The following CCDC74B variants were observed in gnomAD, a reference collection of about 807,000 sequenced individuals.
CCDC74B encodes the protein coiled-coil domain containing 74B, also known as coiled-coil domain-containing protein 74B.
In CCDC74B, 34 loss-of-function variants were observed where a neutral mutation model predicts 38.0. That is an observed-to-expected ratio of 0.89 (90% confidence interval 0.68 to 1.19). The LOEUF (loss-of-function observed/expected upper bound fraction) is 1.19. CCDC74B is among the 50% of genes most tolerant of loss of function. The pLI is 0.00. For synonymous variants in CCDC74B, 132 were observed against 170.4 expected (o/e 0.77, Z 1.76); for missense variants, 358 against 406.0 (o/e 0.88, Z 1.02).
At chr2:130,142,351 G>C (rs1227329369) in intron 2 of CCDC74B, 168 bp from the exon 3 acceptor site, 1 of 1,613,024 alleles carries the variant, frequency 6.2e-7, no homozygotes, top group Non-Finnish European at 8.5e-7. Flanking sequence ...GGGAGCAGAG[G>C]CCCTGGAAAG....
intron 2 of CCDC74B, chr2:130,142,659 T>C (rs1685734883): frequency 6.5e-7 from 1 of 1,542,852 alleles, no homozygotes; most frequent in Admixed American, 2.0e-5. Context: ...GATGTCCTCC[T>C]GATGTCAGCC....
At position 130,139,681 on chromosome 2, in the gene CCDC74B, C is replaced by G; in HGVS notation, c.819G>C (p.Leu273=). The G allele has an allele frequency of 6.2e-7, 1 of 1,612,986 alleles. No individual in the cohort carries two copies. The highest frequency in any genetic ancestry group is 8.5e-7 in the Non-Finnish European group (1 of 1,179,928). Residue 273 remains leucine (L), a synonymous_variant, in exon 8 of 8, where the codon CTG becomes CTC. Coordinates refer to ENST00000409943, the MANE Select transcript of CCDC74B (RefSeq NM_001258307.2). The part of the protein sequence containing the change: ...TKSLSKKCLL[L]SPPVAERAIL... ...TGGCACGCTCCGCCACAGGTGGGCT[C>G]AGAAGCAGGCTGGGGGCGGGTAGAG...
chr2:130,140,030 A>G lies in CCDC74B; in HGVS notation c.745T>C (p.Phe249Leu), dbSNP rs781398863. ...RPQAVPEEAS[F>L]PRDQEATHFP... ...GGTGCACCAGGCACTCACCTGGGAA[A>G]GCTAGCTTCCTCCGGGACTGCCTGG... The change falls in exon 6 of 8, where the codon TTT (phenylalanine) becomes CTT (leucine). Residue 249 changes from phenylalanine to leucine, a missense_variant. Physicochemically the swap from Phe to Leu is conservative, Grantham distance 22 (BLOSUM62 0). Transcript: ENST00000409943. 6.8e-6 allele frequency: 11 copies of G among 1,606,460 alleles called. No homozygotes were observed. Among genetic ancestry groups the G allele is most frequent in the Non-Finnish European group, 8.5e-6 (10 of 1,176,870 alleles).
chr2:130,144,703 T>C lies in CCDC74B; in HGVS notation c.250+44A>G, dbSNP rs777838724. 4 of 1,604,028 alleles carry C rather than the reference T, an allele frequency of 2.5e-6. No individual in the cohort carries two copies. In the Admixed American group the frequency reaches 6.8e-5, roughly 27 times the overall value. On this transcript the variant is annotated intron_variant, in intron 1 of 7. Transcript: ENST00000409943. ...GCTGCGGGAGCGGCAGTGTTGAGTG[T>C]GCCTGGGGAGGCAGGGCCGGCCTAG... is the stretch of plus-strand genomic sequence containing the variant.
chr2:130,142,637 A>G (rs1368046402), intron 2 of CCDC74B: 2 of 1,543,264 alleles, frequency 1.3e-6, no homozygotes, highest in East Asian at 2.4e-5. Flanking sequence ...GGCTGGCTCC[A>G]TCCACCAGTC....
chr2:130,145,080 G>C lies in CCDC74B; in HGVS notation c.-84C>G. On this transcript the variant is annotated 5_prime_UTR_variant, in exon 1 of 8. Transcript: ENST00000409943. ...CCCTAGCCTGGCGCCCCGTCACCAT[G>C]GAAACCGGGCGACGGAGGGCGCCAG... 1 of 1,399,750 alleles carries C rather than the reference G, an allele frequency of 7.1e-7. No homozygotes were observed. The highest frequency in any genetic ancestry group is 9.3e-7 in the Non-Finnish European group (1 of 1,077,522). The allele number at this position is 1,399,750 out of a possible 1,614,324, so 86.7% of individuals were successfully genotyped here. A position where few individuals can be genotyped will look rare whatever the true frequency, so the allele number is the denominator to read the frequency against.
In CCDC74B at chr2:130,139,336, T is replaced by C; in HGVS notation, c.*219A>G. The C allele has an allele frequency of 1.7e-6, 1 of 603,348 alleles. No individual in the cohort carries two copies. Among genetic ancestry groups the C allele is most frequent in the Non-Finnish European group, 2.9e-6 (1 of 345,882 alleles). The allele number at this position is 603,348 out of a possible 1,614,324, so 37.4% of individuals were successfully genotyped here. Reference sequence around the variant, plus strand: ...CAGTTTCAACAGGTAAGGCGATACCTGCTTCATCGTGTGCTTTTATGTAAA... The same window carrying C: ...CAGTTTCAACAGGTAAGGCGATACCCGCTTCATCGTGTGCTTTTATGTAAA... On this transcript the variant is annotated 3_prime_UTR_variant, in exon 8 of 8. Transcript: ENST00000409943.
Position 130,144,758 on chromosome 2 carries a change from C to G in CCDC74B, c.239G>C (p.Arg80Pro). Residue 80 changes from arginine (R) to proline (P), a missense_variant, in exon 1 of 8, where the codon CGG becomes CCG. Arg to Pro is a moderately radical substitution (Grantham distance 103). This residue lies in a region of CCDC74B where 128 missense variants were observed against 146.7 expected (regional missense o/e 0.87). Coordinates refer to ENST00000409943, the MANE Select transcript of CCDC74B (RefSeq NM_001258307.2). ...CCGCGCCGGCTCACCCTTGTTTTCC[C>G]GCTTCAGATGCTCGATCTCCTCATG... ...KLHEEIEHLK[R>P]ENKDLRYKLI... 1.6e-5 allele frequency: 26 copies of G among 1,612,638 alleles called. No homozygotes were observed. Among genetic ancestry groups the G allele is most frequent in the Non-Finnish European group, 2.2e-5 (26 of 1,179,588 alleles).
At chr2:130,141,955 C>G (rs1685658632) in intron 3 of CCDC74B, 178 bp downstream of exon 3, 2 of 711,454 alleles carry the variant, frequency 2.8e-6, no homozygotes, top group Admixed American at 3.3e-5. Context: ...TGCCCACCCC[C>G]CCTTAATCCC....
chr2:130,144,603 G>A, intron 1 of CCDC74B, 144 bp downstream of exon 1: 5 of 1,544,978 alleles, frequency 3.2e-6, no homozygotes, highest in Admixed American at 2.0e-5. Context: ...ACAGCTCAGC[G>A]TGGCAGGGCG....
At chr2:130,140,677 G>A (rs1248787328) in intron 4 of CCDC74B, 74 of 478,422 alleles carry the variant, frequency 1.5e-4, no homozygotes, top group African/African-American at 1.3e-3. Context: ...GTCTCGGGAT[G>A]TGCAGATGCA....
rs776364435 is a variant in CCDC74B at position 130,144,898 on chromosome 2, G to A, written c.99C>T (p.Ser33=). 9 of 1,595,458 alleles carry A rather than the reference G, an allele frequency of 5.6e-6. No homozygotes were observed. The African/African-American group carries it at 1.1e-4, about 19-fold the overall frequency. Residue 33 remains serine (S), a synonymous_variant, in exon 1 of 8, where the codon TCC becomes TCT. Coordinates refer to ENST00000409943, the MANE Select transcript of CCDC74B (RefSeq NM_001258307.2). ...TGAGCTGCGGGCTCTGCGGCCTCAA[G>A]GACTGGACGCCCACAGAGGGGCGCT... ...RRQRPSVGVQ[S]LRPQSPQLRQ...
chr2:130,142,854 C>G, intron 2 of CCDC74B: 1 of 1,550,336 alleles, frequency 6.5e-7, no homozygotes, highest in East Asian at 2.4e-5. Context: ...TGGAGTGTGT[C>G]CAGAGCCCCT....
chr2:130,144,020 C>T (rs1251929775), intron 1 of CCDC74B, among the ~76,000 whole-genome samples: 1 of 66,856 alleles, frequency 1.5e-5, no homozygotes, highest in African/African-American at 6.7e-5. Flanking sequence ...ACAGGCGAAG[C>T]GGGGACGGGG....
Position 130,144,880 on chromosome 2 carries a change from C to A in CCDC74B, c.117G>T (p.Pro39=), listed in dbSNP as rs1207561154. 6.2e-7 allele frequency: 1 copy of A among 1,612,822 alleles called. No individual in the cohort carries two copies. The highest frequency in any genetic ancestry group is 1.7e-5 in the Admixed American group (1 of 59,962). The change falls in exon 1 of 8, where the codon CCG becomes CCT. Residue 39 remains proline (P), a synonymous_variant. Transcript: ENST00000409943. ...VGVQSLRPQS[P]QLRQSDPQKR... is the part of the protein sequence containing the mutation. ...TCTGCGGGTCGCTCTGCCTGAGCTG[C>A]GGGCTCTGCGGCCTCAAGGACTGGA...
chr2:130,140,824 G>A, intron 4 of CCDC74B: 3 of 248,358 alleles, frequency 1.2e-5, no homozygotes, highest in Middle Eastern at 1.2e-3. Flanking sequence ...GCAGGCTGTG[G>A]CCAGGGGCAG....
At chr2:130,144,130 T>C (rs575002750) in intron 1 of CCDC74B, among the ~76,000 whole-genome samples, 210 of 152,102 alleles carry the variant, frequency 1.4e-3, no homozygotes, top group Non-Finnish European at 2.5e-3. Context: ...CTGCATAAAG[T>C]TTTTGTTTGT....
chr2:130,143,217 T>A (rs1341184689), intron 2 of CCDC74B, 52 bp downstream of exon 2: 3 of 1,592,834 alleles, frequency 1.9e-6, no homozygotes, highest in Non-Finnish European at 2.6e-6. Flanking sequence ...CTGGAGGGGC[T>A]CCCCTGGGTG....
chr2:130,144,032 G>C (rs1017572667), intron 1 of CCDC74B, among the ~76,000 whole-genome samples: 6 of 144,340 alleles, frequency 4.2e-5, no homozygotes, highest in African/African-American at 1.5e-4. Context: ...GGGACGGGGT[G>C]GGGGGCGGGG....
Sources: gnomAD v4.1 joint callset for allele counts (sites outside exome capture counted in the v4.1 genomes callset) on GRCh38, gnomAD v4.1.1 for gene constraint, gnomAD v4.1.1 regional missense constraint, MANE v1.5 for transcripts, NCBI Gene and HGNC (gene_info 2026-07-23, HGNC 2026-07-21) for gene names.